The following NRXN1 variants were observed in gnomAD, a reference collection of about 807,000 sequenced individuals.
NRXN1 encodes neurexin 1.
In NRXN1, 39 loss-of-function variants were observed where a neutral mutation model predicts 150.9. The observed-to-expected ratio is 0.26, with a 90% CI of 0.20 to 0.34. The LOEUF is 0.34. NRXN1 is among the 10% of genes least tolerant of loss of function. The pLI is 1.00. For synonymous variants in NRXN1, 924 were observed against 757.0 expected (o/e 1.22, Z -3.62); for missense variants, 1,815 against 1,949.9 (o/e 0.93, Z 1.30).
At chr2:50,801,459 G>A (rs1278575028) in intron 5 of NRXN1, among the ~76,000 whole-genome samples, 1 of 152,110 alleles carries the variant, frequency 6.6e-6, no homozygotes. Context: ...AAATATCATA[G>A]TTACATAATG....
chr2:50,458,467 T>C (rs144904707), intron 17 of NRXN1, among the ~76,000 whole-genome samples: 124 of 152,266 alleles, frequency 8.1e-4, no homozygotes, highest in African/African-American at 2.9e-3. Flanking sequence ...AAATAAGTGA[T>C]AAATATTTTA....
chr2:50,402,455 G>A lies in NRXN1; in HGVS notation c.3364+62987C>T, dbSNP rs1455744792. On this transcript the variant is annotated intron_variant, in intron 17 of 22. Transcript: ENST00000401669. ...TGCCAATCTAATAAATGTGAGTAAG[G>A]TGAAAACGGAATAAATAGAATGTGG... Among the ~76,000 whole-genome samples the A allele has an allele frequency of 3.9e-5, 6 of 152,116 alleles. No individual in the cohort carries two copies. The East Asian group carries it at 9.7e-4, about 25-fold the overall frequency.
At chr2:50,500,886 T>G (rs1031416507) in intron 13 of NRXN1, among the ~76,000 whole-genome samples, 9 of 152,172 alleles carry the variant, frequency 5.9e-5, no homozygotes, top group Non-Finnish European at 1.2e-4. Context: ...AATTGCTGAT[T>G]GTGTGGTATA....
intron 19 of NRXN1, among the ~76,000 whole-genome samples, chr2:50,073,583 A>G (rs1371151373): frequency 6.6e-6 from 1 of 152,198 alleles, no homozygotes; most frequent in Admixed American, 6.5e-5. Flanking sequence ...AGGTAGTCAC[A>G]GTAGTGCTCA....
intron 12 of NRXN1, among the ~76,000 whole-genome samples, chr2:50,517,614 A>G (rs1012652018): frequency 6.6e-6 from 1 of 152,134 alleles, no homozygotes; most frequent in Non-Finnish European, 1.5e-5. Context: ...AGTTATCTGG[A>G]TAACTATTTG....
At chr2:50,690,798 C>A (rs1200045671) in intron 5 of NRXN1, among the ~76,000 whole-genome samples, 2 of 152,094 alleles carry the variant, frequency 1.3e-5, no homozygotes, top group East Asian at 3.9e-4. Flanking sequence ...ATGTTAAGTA[C>A]TTCTCTTGAT....
intron 5 of NRXN1, among the ~76,000 whole-genome samples, chr2:50,903,892 C>T (rs1002595546): frequency 6.6e-6 from 1 of 152,094 alleles, no homozygotes; most frequent in Non-Finnish European, 1.5e-5. Context: ...TCTGAAACGC[C>T]GGCTGTAGCC....
chr2:50,922,681 G>A lies in NRXN1; in HGVS notation c.797C>T (p.Ala266Val), dbSNP rs1686227242. The change falls in exon 4 of 23, where the codon GCG becomes GTG. Residue 266 changes from alanine (A) to valine (V), a missense_variant. By Grantham distance (64) the Ala-to-Val change is moderately conservative (BLOSUM62 0). Around this residue, in one of 6 missense-constraint regions of NRXN1, gnomAD observed 554 missense variants for 478.8 expected, o/e 1.16. Transcript: ENST00000401669. ...SQEDNNVEGL[A>V]HLMMGDQGKS... ...ACCTTGGTCGCCCATCATCAGGTGC[G>A]CCAGACCTTGAAGGGAAACAAGAGC... 5.0e-6 allele frequency: 8 copies of A among 1,610,100 alleles called. No homozygotes were observed. The highest frequency in any genetic ancestry group is 2.2e-5 in the South Asian group (2 of 90,554).
At chr2:50,165,559 G>A (rs1362732206) in intron 18 of NRXN1, among the ~76,000 whole-genome samples, 1 of 152,054 alleles carries the variant, frequency 6.6e-6, no homozygotes, top group African/African-American at 2.4e-5. Context: ...ATGTTGGCCA[G>A]GCTGGTCTCC....
intron 19 of NRXN1, among the ~76,000 whole-genome samples, chr2:50,070,067 A>C (rs13401630): frequency 6.6e-6 from 1 of 151,492 alleles, no homozygotes; most frequent in South Asian, 2.1e-4. Context: ...AGCCAGGGTG[A>C]TTTCGATCTC....
intron 5 of NRXN1, among the ~76,000 whole-genome samples, chr2:50,689,315 G>A (rs1050212523): frequency 4.6e-5 from 7 of 151,872 alleles, no homozygotes; most frequent in South Asian, 2.1e-4. Flanking sequence ...GAATTCCATC[G>A]CCCTCAAAGA....
intron 5 of NRXN1, among the ~76,000 whole-genome samples, chr2:50,652,691 T>G (rs1336078790): frequency 6.6e-6 from 1 of 152,080 alleles, no homozygotes; most frequent in Non-Finnish European, 1.5e-5. Flanking sequence ...ACACATGTTT[T>G]CATTTCTCTT....
chr2:50,406,631 A>C (rs965464649), intron 17 of NRXN1, among the ~76,000 whole-genome samples: 1 of 152,190 alleles, frequency 6.6e-6, no homozygotes, highest in Non-Finnish European at 1.5e-5. Flanking sequence ...ATTCATTATA[A>C]ATTAATGACA....
At chr2:50,828,308 G>A (rs1401715759) in intron 5 of NRXN1, among the ~76,000 whole-genome samples, 1 of 738 alleles carries the variant, frequency 1.4e-3, no homozygotes, top group African/African-American at 3.5e-3. Context: ...CGGGGCGGCT[G>A]GCCGGGAGGG....
At chr2:50,023,750 A>T (rs964888191) in intron 21 of NRXN1, 4 of 152,170 alleles carry the variant, frequency 2.6e-5, no homozygotes, top group African/African-American at 7.2e-5. Context: ...GTAAGTACCA[A>T]AATCATGGTG....
chr2:50,473,964 C>T (rs562817212), intron 15 of NRXN1, among the ~76,000 whole-genome samples: 2 of 152,094 alleles, frequency 1.3e-5, no homozygotes, highest in South Asian at 4.1e-4. Flanking sequence ...AAACTGAGAA[C>T]TTAGGTCCTT....
At chr2:49,986,304 A>G (rs914501526) in intron 21 of NRXN1, among the ~76,000 whole-genome samples, 1 of 152,224 alleles carries the variant, frequency 6.6e-6, no homozygotes, top group Non-Finnish European at 1.5e-5. Flanking sequence ...ACATATGTGG[A>G]TATTTACTCT....
intron 17 of NRXN1, among the ~76,000 whole-genome samples, chr2:50,384,709 C>G (rs2081208345): frequency 1.3e-5 from 2 of 151,868 alleles, no homozygotes; most frequent in African/African-American, 4.8e-5. Flanking sequence ...TCTTTAAATC[C>G]ATGAATTTCA....
In NRXN1 at chr2:50,166,346, A is replaced by T. The variant is rs557137653; in HGVS notation, c.3546+70443T>A. ...GTGTTTGTGTGTGTGTGTGTGTTCA[A>T]GAATGGAAAAGCCACTAAGAATGCC... On this transcript the variant is annotated intron_variant, in intron 18 of 22. Transcript: ENST00000401669. 1.4e-4 allele frequency among the ~76,000 whole-genome samples: 20 copies of T among 148,038 alleles called. 1 individual carries two copies. The East Asian group carries it at 3.7e-3, about 28-fold the overall frequency.
Sources: allele counts gnomAD v4.1 joint callset (sites outside exome capture counted in the v4.1 genomes callset), GRCh38; gene constraint gnomAD v4.1.1; regional missense constraint gnomAD v4.1.1; transcripts MANE v1.5; gene names NCBI Gene and HGNC (gene_info 2026-07-23, HGNC 2026-07-21).